Variants in CDH12 observed in about 807,000 individuals in gnomAD.
CDH12 encodes the protein cadherin-12.
In CDH12, 41 loss-of-function variants were observed where a neutral mutation model predicts 74.1. That is an observed-to-expected ratio of 0.55 (90% CI 0.43 to 0.72). CDH12 has a LOEUF of 0.72. Among genes scored for constraint, CDH12 ranks in the 30% least tolerant of loss-of-function variants. The pLI, the probability that CDH12 is intolerant of heterozygous loss-of-function variation, is 0.00. For synonymous variants in CDH12, 399 were observed against 355.0 expected (o/e 1.12, Z -1.39); for missense variants, 945 against 977.2 (o/e 0.97, Z 0.44).
At chr5:22,458,230 C>T (rs1261252) in intron 2 of CDH12, among the ~76,000 whole-genome samples, 71,114 of 151,934 alleles carry the variant, frequency 0.47, 17,072 homozygotes, top group Admixed American at 0.64. Flanking sequence ...CTTGCTGCTC[C>T]TTGGTTGGTA....
intron 3 of CDH12, among the ~76,000 whole-genome samples, chr5:22,216,344 T>G (rs1228434319): frequency 6.6e-6 from 1 of 151,910 alleles, no homozygotes; most frequent in Non-Finnish European, 1.5e-5. Context: ...ATCTTGGCTA[T>G]TATTATTTAA....
intron 1 of CDH12, among the ~76,000 whole-genome samples, chr5:22,623,869 C>G (rs1417978760): frequency 1.3e-5 from 2 of 152,038 alleles, no homozygotes; most frequent in African/African-American, 2.4e-5. Context: ...CAATCCTAAG[C>G]CAAAAGAACA....
chr5:21,832,843 CATATGATATATGATATATATCAT>C, intron 8 of CDH12, among the ~76,000 whole-genome samples: 1 of 89,208 alleles, frequency 1.1e-5, no homozygotes. Context: ...TAATATAAAT[CATATGATATATGATATATATCAT>C]ATGATATATG....
At chr5:22,281,120 A>G (rs565893690) in intron 3 of CDH12, among the ~76,000 whole-genome samples, 1 of 152,316 alleles carries the variant, frequency 6.6e-6, no homozygotes, top group South Asian at 2.1e-4. Context: ...CAAAGACAAA[A>G]AGCACATGAT....
rs529151880 is a variant in CDH12 at position 22,056,906 on chromosome 5, G to T, written c.231+21540C>A. 5.3e-5 allele frequency among the ~76,000 whole-genome samples: 8 copies of T among 151,852 alleles called. No individual in the cohort carries two copies. The East Asian group carries it at 1.5e-3, about 29-fold the overall frequency. On this transcript the variant is annotated intron_variant, in intron 5 of 14. Coordinates refer to ENST00000382254, the MANE Select transcript of CDH12 (RefSeq NM_004061.5). The stretch of plus-strand genomic sequence containing the variant: ...CGACAATTCTTCCATTGCACCTGCT[G>T]TTATTTTTTTTTAGAGGACCCATTT...
chr5:22,376,264 G>C (rs144228518), intron 3 of CDH12, among the ~76,000 whole-genome samples: 3 of 152,192 alleles, frequency 2.0e-5, no homozygotes, highest in African/African-American at 4.8e-5. Context: ...CATGGAGACG[G>C]AGAATAGAAA....
chr5:21,788,252 CT>C (rs1746302856), intron 10 of CDH12, among the ~76,000 whole-genome samples: 1 of 152,062 alleles, frequency 6.6e-6, no homozygotes, highest in Non-Finnish European at 1.5e-5. Context: ...GCAATCCTTC[CT>C]GCACATGATA....
chr5:21,760,053 A>G (rs1346164220), intron 13 of CDH12, among the ~76,000 whole-genome samples: 1 of 152,102 alleles, frequency 6.6e-6, no homozygotes, highest in African/African-American at 2.4e-5. Flanking sequence ...TCCATGGTGT[A>G]TATATATGTA....
At chr5:21,933,521 G>C (rs977604116) in intron 6 of CDH12, among the ~76,000 whole-genome samples, 2 of 152,150 alleles carry the variant, frequency 1.3e-5, no homozygotes, top group African/African-American at 4.8e-5. Context: ...AAAGTGGGAG[G>C]AAGGTTTATT....
chr5:22,806,488 G>A (rs1171944450), intron 1 of CDH12, among the ~76,000 whole-genome samples: 2 of 151,822 alleles, frequency 1.3e-5, no homozygotes, highest in Non-Finnish European at 2.9e-5. Flanking sequence ...GAGTAGCTGG[G>A]ACTACAGGCG....
intron 4 of CDH12, among the ~76,000 whole-genome samples, chr5:22,157,685 G>GA (rs1216860308): frequency 1.4e-4 from 22 of 151,742 alleles, no homozygotes; most frequent in Non-Finnish European, 2.7e-4. Flanking sequence ...ATAATGCCTG[G>GA]CATATATTTT....
chr5:22,255,330 G>T (rs1189611758), intron 3 of CDH12, among the ~76,000 whole-genome samples: 4 of 151,488 alleles, frequency 2.6e-5, no homozygotes, highest in Admixed American at 6.6e-5. Flanking sequence ...TTAAGATCAT[G>T]ATCTCATGAA....
intron 7 of CDH12, among the ~76,000 whole-genome samples, chr5:21,852,095 T>C (rs1371360144): frequency 6.6e-6 from 1 of 151,458 alleles, no homozygotes; most frequent in Non-Finnish European, 1.5e-5. Flanking sequence ...GCAATTATCC[T>C]TGATTTTTGA....
chr5:22,604,064 A>G (rs1736980375), intron 1 of CDH12, among the ~76,000 whole-genome samples: 2 of 152,230 alleles, frequency 1.3e-5, no homozygotes, highest in Admixed American at 1.3e-4. Context: ...ACAATTCACT[A>G]TAGCAATGAG....
intron 1 of CDH12, among the ~76,000 whole-genome samples, chr5:22,675,963 G>T (rs889097205): frequency 7.0e-6 from 1 of 141,948 alleles, no homozygotes; most frequent in South Asian, 2.3e-4. Context: ...TATAACTTTA[G>T]AAATATCTTC....
intron 1 of CDH12, among the ~76,000 whole-genome samples, chr5:22,760,290 G>A (rs1179436448): frequency 6.6e-6 from 1 of 152,152 alleles, no homozygotes; most frequent in African/African-American, 2.4e-5. Context: ...TAGGTGATAA[G>A]ATTCATGAGA....
intron 1 of CDH12, among the ~76,000 whole-genome samples, chr5:22,735,794 A>G (rs971992838): frequency 6.6e-6 from 1 of 151,920 alleles, no homozygotes; most frequent in Non-Finnish European, 1.5e-5. Context: ...TGCTTACTCA[A>G]AAAATGAGTG....
At chr5:22,488,367 T>C (rs1253035215) in intron 2 of CDH12, among the ~76,000 whole-genome samples, 1 of 152,216 alleles carries the variant, frequency 6.6e-6, no homozygotes, top group Admixed American at 6.5e-5. Flanking sequence ...ATGTTTTTTA[T>C]TTTTCCAGTG....
At chr5:21,906,662 C>G (rs1753654691) in intron 6 of CDH12, among the ~76,000 whole-genome samples, 1 of 152,132 alleles carries the variant, frequency 6.6e-6, no homozygotes, top group Non-Finnish European at 1.5e-5. Flanking sequence ...ATTTAGGCAA[C>G]TTTATTGGAA....
Sources: gnomAD v4.1 joint callset for allele counts (sites outside exome capture counted in the v4.1 genomes callset) on GRCh38, gnomAD v4.1.1 for gene constraint, MANE v1.5 for transcripts, NCBI Gene and HGNC (gene_info 2026-07-23, HGNC 2026-07-21) for gene names.